Variants in WIPF2 observed in about 807,000 individuals in gnomAD.
WIPF2 encodes WAS/WASL interacting protein family member 2.
A neutral mutation model predicts 38.8 loss-of-function variants in WIPF2; 23 were observed. The observed-to-expected ratio is 0.59, with a 90% CI of 0.43 to 0.84. WIPF2 has a LOEUF of 0.84. Ranked by LOEUF, WIPF2 falls within the 40% of genes least tolerant of loss-of-function variation. The pLI is 0.00. For synonymous variants in WIPF2, 210 were observed against 223.2 expected (o/e 0.94, Z 0.53); for missense variants, 574 against 580.5 (o/e 0.99, Z 0.11).
intron 5 of WIPF2, among the ~76,000 whole-genome samples, chr17:40,271,753 C>T (rs557416044): frequency 6.6e-6 from 1 of 152,130 alleles, no homozygotes; most frequent in South Asian, 2.1e-4. Flanking sequence ...GCATGTGTGG[C>T]TATAAGACTT....
At chr17:40,234,734 T>C (rs980411480) in intron 1 of WIPF2, among the ~76,000 whole-genome samples, 2 of 152,114 alleles carry the variant, frequency 1.3e-5, no homozygotes, top group African/African-American at 4.8e-5. Flanking sequence ...GTTGCAGGAA[T>C]TTCAAGAAAT....
intron 1 of WIPF2, among the ~76,000 whole-genome samples, chr17:40,234,267 G>T (rs148045238): frequency 6.7e-6 from 1 of 150,232 alleles, no homozygotes; most frequent in African/African-American, 2.4e-5. Context: ...CTCGGGAGGC[G>T]CACGCCTGTA....
intron 1 of WIPF2, among the ~76,000 whole-genome samples, chr17:40,254,367 T>C (rs1208905837): frequency 2.0e-5 from 3 of 152,116 alleles, no homozygotes; most frequent in Non-Finnish European, 4.4e-5. Context: ...CATGGATTGA[T>C]TGGTGAGGTT....
intron 1 of WIPF2, among the ~76,000 whole-genome samples, chr17:40,225,949 C>A (rs974333785): frequency 1.3e-5 from 2 of 151,416 alleles, no homozygotes; most frequent in East Asian, 1.9e-4. Flanking sequence ...AATTGATTTT[C>A]AAAAAAAATT....
At chr17:40,239,691 CT>C (rs748169841) in intron 1 of WIPF2, among the ~76,000 whole-genome samples, 228 of 107,154 alleles carry the variant, frequency 2.1e-3, no homozygotes, top group Middle Eastern at 7.9e-3. Context: ...TTCAGCTTTT[CT>C]TTTTTTTTTT....
intron 1 of WIPF2, among the ~76,000 whole-genome samples, chr17:40,234,447 AC>A (rs2030876772): frequency 1.3e-5 from 2 of 151,698 alleles, no homozygotes; most frequent in African/African-American, 4.9e-5. Context: ...AAACAAACAA[AC>A]AAACAAAAAA....
chr17:40,278,293 T>C lies in WIPF2; in HGVS notation c.*68T>C, dbSNP rs1598505193. The C allele has an allele frequency of 3.2e-6, 5 of 1,575,976 alleles. No individual in the cohort carries two copies. In the East Asian group the frequency reaches 1.1e-4, roughly 36 times the overall value. On this transcript the variant is annotated 3_prime_UTR_variant, in exon 8 of 8. Coordinates refer to ENST00000323571, the MANE Select transcript of WIPF2 (RefSeq NM_133264.5). ...TCTTCTTCTCAGATGGTCCCTTCCA[T>C]TCCCCTGAAACCTGCATGAGAGCTC...
intron 6 of WIPF2, among the ~76,000 whole-genome samples, chr17:40,276,520 C>CAAAA (rs1160459322): frequency 3.5e-4 from 25 of 71,526 alleles, no homozygotes; most frequent in Admixed American, 5.7e-4. Flanking sequence ...GACTCCGTCT[C>CAAAA]AAAAAAAAAA....
chr17:40,222,835 T>C (rs552118973), intron 1 of WIPF2, among the ~76,000 whole-genome samples: 8 of 149,288 alleles, frequency 5.4e-5, no homozygotes, highest in East Asian at 2.0e-4. Context: ...CACGCCCAGC[T>C]AATTTTTTGT....
chr17:40,271,487 G>C (rs1433753183), intron 5 of WIPF2, among the ~76,000 whole-genome samples: 1 of 151,652 alleles, frequency 6.6e-6, no homozygotes, highest in Non-Finnish European at 1.5e-5. Context: ...CTGGGTGACA[G>C]AGTGAGACCC....
chr17:40,269,467 C>T (rs914994616), intron 5 of WIPF2, among the ~76,000 whole-genome samples: 4 of 151,316 alleles, frequency 2.6e-5, no homozygotes, highest in Non-Finnish European at 5.9e-5. Flanking sequence ...GCTGAGATCA[C>T]GCCACTGCAC....
chr17:40,261,681 G>GT (rs1567720718), intron 3 of WIPF2, among the ~76,000 whole-genome samples: 63 of 128,948 alleles, frequency 4.9e-4, no homozygotes, highest in African/African-American at 1.8e-3. Flanking sequence ...TTTTTTTTTT[G>GT]GTTTTTTTTG....
At position 40,264,921 on chromosome 17, in the gene WIPF2, GCTC is replaced by G; in HGVS notation, c.756_758del (p.Pro254del). ...AACAGGACCAAGTGGCCAGTCTCTG[GCTC>G]CTCCTCCTCCGCCTTACCGCCAGCC... is the stretch of plus-strand genomic sequence containing the variant. On this transcript the variant is annotated inframe_deletion, in exon 5 of 8. Transcript: ENST00000323571. The G allele has an allele frequency of 1.2e-6, 2 of 1,614,092 alleles. No homozygotes were observed. The highest frequency in any genetic ancestry group is 1.7e-6 in the Non-Finnish European group (2 of 1,180,004).
chr17:40,260,065 G>A (rs1308598718), intron 2 of WIPF2, among the ~76,000 whole-genome samples: 2 of 151,686 alleles, frequency 1.3e-5, no homozygotes, highest in Non-Finnish European at 2.9e-5. Context: ...AAACTGAGAA[G>A]GATAATGCAC....
intron 1 of WIPF2, among the ~76,000 whole-genome samples, chr17:40,251,617 T>G (rs1169543046): frequency 6.6e-6 from 1 of 151,674 alleles, no homozygotes; most frequent in Non-Finnish European, 1.5e-5. Context: ...TCCAGGGGAG[T>G]TTTTTGTTTG....
chr17:40,227,893 G>GCAAATA (rs1324594326), intron 1 of WIPF2, among the ~76,000 whole-genome samples: 4 of 150,172 alleles, frequency 2.7e-5, no homozygotes, highest in Admixed American at 6.7e-5. Flanking sequence ...GAGATACCAG[G>GCAAATA]TACATATAAA....
Position 40,248,386 on chromosome 17 carries a change from C to T in WIPF2, c.-69-8005C>T, listed in dbSNP as rs2031445075. On this transcript the variant is annotated intron_variant, in intron 1 of 7. Transcript: ENST00000323571. ...GTTCCACCATGTTGGCCAGGCTGGT[C>T]TCAAACTCCTGACTTCAAGAGATCC... is the stretch of plus-strand genomic sequence containing the variant. 2.0e-5 allele frequency among the ~76,000 whole-genome samples: 3 copies of T among 152,012 alleles called. No homozygotes were observed. In the South Asian group the frequency reaches 6.2e-4, roughly 32 times the overall value.
chr17:40,241,729 A>AT lies in WIPF2; in HGVS notation c.-69-14657dup, dbSNP rs555011655. Among the ~76,000 whole-genome samples the AT allele has an allele frequency of 2.2e-4, 34 of 152,282 alleles. 2 individuals carry two copies. The highest frequency in any genetic ancestry group is 6.8e-3 in the Middle Eastern group (2 of 294). ...ATCTGCCTTGGGTTTATGCAGCGTC[A>AT]TTTTTGGAGATGTTGAAGCACTGTG... On this transcript the variant is annotated intron_variant, in intron 1 of 7. Coordinates refer to ENST00000323571, the MANE Select transcript of WIPF2 (RefSeq NM_133264.5).
rs58758484 is a variant in WIPF2, at chr17:40,222,654, G to GTTTTTTT, written c.-70+3189_-70+3195dup. On this transcript the variant is annotated intron_variant, in intron 1 of 7. Coordinates refer to ENST00000323571, the MANE Select transcript of WIPF2 (RefSeq NM_133264.5). ...CTGGTTTTGATTTGATGCATATTCA[G>GTTTTTTT]TTTTTTTTTTTTTTTTTTTTTTTTT... Among the ~76,000 whole-genome samples, 8 of 52,858 alleles carry GTTTTTTT rather than the reference G, an allele frequency of 1.5e-4. 1 individual carries two copies. Among genetic ancestry groups the GTTTTTTT allele is most frequent in the Non-Finnish European group, 1.8e-4 (5 of 28,076 alleles). 34.7% of individuals were successfully genotyped at this position (52,858 alleles called of 152,430 possible).
Sources: gnomAD v4.1 joint callset for allele counts (sites outside exome capture counted in the v4.1 genomes callset) on GRCh38, gnomAD v4.1.1 for gene constraint, MANE v1.5 for transcripts, NCBI Gene and HGNC (gene_info 2026-07-23, HGNC 2026-07-21) for gene names.